Variants in LRTM1 observed in about 807,000 individuals in gnomAD.
LRTM1 encodes the protein leucine-rich repeat and transmembrane domain-containing protein 1.
Under a neutral mutation model 32.4 loss-of-function variants are expected in LRTM1, and 38 were observed. That is an observed-to-expected ratio of 1.17 (90% CI 0.91 to 1.54). LRTM1 has a LOEUF of 1.54. LRTM1 is among the 40% of genes most tolerant of loss of function. The pLI is 0.00. For missense variants in LRTM1, 466 were observed against 415.4 expected, an observed-to-expected ratio of 1.12 and a Z score of -1.06; for synonymous variants, 186 against 169.9, an observed-to-expected ratio of 1.09 and a Z score of -0.74.
At chr3:54,958,728 T>C (rs113711697) in intron 1 of LRTM1, among the ~76,000 whole-genome samples, 5 of 152,334 alleles carry the variant, frequency 3.3e-5, no homozygotes, top group African/African-American at 1.2e-4. Flanking sequence ...GGGCTAAGTA[T>C]GCAACAGAGA....
chr3:54,961,813 T>C lies in LRTM1; in HGVS notation c.-222+5115A>G, dbSNP rs182567255. On this transcript the variant is annotated intron_variant, in intron 1 of 2. Coordinates refer to the LRTM1 transcript ENST00000493075. Reference sequence around the variant, plus strand: ...CAGGACATCTTCTGTTTTCTTTTGCTTTTAACAGAGTGGTAGAAGCCGGGT... The same window carrying C: ...CAGGACATCTTCTGTTTTCTTTTGCCTTTAACAGAGTGGTAGAAGCCGGGT... 2.2e-3 allele frequency among the ~76,000 whole-genome samples: 341 copies of C among 152,292 alleles called. 1 individual carries two copies. The highest frequency in any genetic ancestry group is 4.2e-3 in the Non-Finnish European group (283 of 68,018).
At chr3:54,947,084 A>G (rs190187639) in intron 1 of LRTM1, among the ~76,000 whole-genome samples, 195 of 152,316 alleles carry the variant, frequency 1.3e-3, no homozygotes, top group Admixed American at 2.2e-3. Flanking sequence ...GGAAAATACT[A>G]TAATACCAAA....
In LRTM1 at chr3:54,933,174, A is replaced by G. The variant is rs1243267638; in HGVS notation, c.-221-7959T>C. ...TATAAGAGATAGAAAAATAAGAAAC[A>G]TAGAAAACTAGGAATATATTTTAAA... On this transcript the variant is annotated intron_variant, in intron 1 of 2. Transcript: ENST00000493075. Among the ~76,000 whole-genome samples, 4 of 152,082 alleles carry G rather than the reference A, an allele frequency of 2.6e-5. No homozygotes were observed. In the East Asian group the frequency reaches 5.8e-4, roughly 22 times the overall value.
At chr3:54,945,989 C>T (rs1243719980) in intron 1 of LRTM1, among the ~76,000 whole-genome samples, 2 of 152,202 alleles carry the variant, frequency 1.3e-5, no homozygotes, top group African/African-American at 2.4e-5. Flanking sequence ...CACGCTTATT[C>T]GCCTAGCTCT....
chr3:54,923,659 A>G (rs1365877509), intron 2 of LRTM1, among the ~76,000 whole-genome samples: 1 of 152,194 alleles, frequency 6.6e-6, no homozygotes, highest in Non-Finnish European at 1.5e-5. Context: ...GCACTCAAAT[A>G]TAGAAATGAA....
At chr3:54,959,434 A>G (rs761961252) in intron 1 of LRTM1, among the ~76,000 whole-genome samples, 3 of 152,202 alleles carry the variant, frequency 2.0e-5, no homozygotes, top group Non-Finnish European at 4.4e-5. Context: ...TGGACTGCCC[A>G]CGTGGAGATT....
At chr3:54,928,724 C>T (rs942730664), upstream of LRTM1, among the ~76,000 whole-genome samples, 1 of 151,976 alleles carries the variant, frequency 6.6e-6, no homozygotes, top group African/African-American at 2.4e-5. Context: ...CCCCAGCCCC[C>T]GAGTTGAATT....
intron 2 of LRTM1, among the ~76,000 whole-genome samples, chr3:54,919,958 G>A (rs1012946368): frequency 6.6e-6 from 1 of 152,128 alleles, no homozygotes; most frequent in Non-Finnish European, 1.5e-5. Context: ...AGAGGAGTGG[G>A]CAGGATGGCC....
intron 1 of LRTM1, among the ~76,000 whole-genome samples, chr3:54,942,327 G>T (rs1701492076): frequency 6.6e-6 from 1 of 152,212 alleles, no homozygotes; most frequent in African/African-American, 2.4e-5. Flanking sequence ...AGAAGTAGGG[G>T]CTGACCTCTC....
rs1702038794 is a variant in LRTM1, at chr3:54,961,960, G to A, written c.-222+4968C>T. Among the ~76,000 whole-genome samples the A allele has an allele frequency of 2.6e-5, 4 of 152,084 alleles. No individual in the cohort carries two copies. In the South Asian group the frequency reaches 8.3e-4, roughly 32 times the overall value. ...GGGGGCTCTGCAGAGTCCCAGGGAG[G>A]CACAGGGCATGGCATCGTGAGGGGA... On this transcript the variant is annotated intron_variant, in intron 1 of 2. Transcript: ENST00000493075.
intron 1 of LRTM1, among the ~76,000 whole-genome samples, chr3:54,926,136 A>G (rs1378981117): frequency 2.0e-5 from 3 of 152,110 alleles, no homozygotes; most frequent in Non-Finnish European, 4.4e-5. Flanking sequence ...TCACACCATT[A>G]CTGATGTATC....
upstream of LRTM1, among the ~76,000 whole-genome samples, chr3:54,930,396 C>G (rs755079545): frequency 1.2e-4 from 18 of 152,178 alleles, no homozygotes; most frequent in Non-Finnish European, 2.2e-4. Flanking sequence ...GAAAGGCACT[C>G]TACTTACCAG....
Position 54,918,889 on chromosome 3 carries a change from C to T in LRTM1, c.608G>A (p.Gly203Glu), listed in dbSNP as rs1450551797. The T allele has an allele frequency of 3.3e-6, 5 of 1,524,116 alleles. No individual in the cohort carries two copies. Among genetic ancestry groups the T allele is most frequent in the Non-Finnish European group, 4.4e-6 (5 of 1,136,072 alleles). 94.4% of individuals were successfully genotyped at this position (1,524,116 alleles called of 1,614,324 possible). A position where few individuals can be genotyped will look rare whatever the true frequency, so the allele number is the denominator to read the frequency against. Residue 203 changes from glycine to glutamate, a missense_variant, in exon 3 of 3, where the codon GGA (glycine) becomes GAA (glutamate). Transcript: ENST00000273286. ...LWLEKFVYKG[G>E]LTDGIICESP... ...TTCACAGATGATGCCGTCTGTTAGTCCCCCTTTAAAAAACAAAAGCAAAGA... is the reference window on the plus strand; with the variant it reads ...TTCACAGATGATGCCGTCTGTTAGTTCCCCTTTAAAAAACAAAAGCAAAGA...
At chr3:54,966,157 A>G (rs1702144703) in intron 1 of LRTM1, among the ~76,000 whole-genome samples, 1 of 152,090 alleles carries the variant, frequency 6.6e-6, no homozygotes, top group African/African-American at 2.4e-5. Context: ...AAAGGGCATC[A>G]GGAGACTCAT....
rs974378835 is a variant in LRTM1 at position 54,944,810 on chromosome 3, TGG to T, written c.-221-19597_-221-19596del. ...TGAATATATTGACTGTAGTTAGAGC[TGG>T]GGGTGTGTGTGTGTGTGTGTGTGTG... On this transcript the variant is annotated intron_variant, in intron 1 of 2. Coordinates refer to the LRTM1 transcript ENST00000493075. Among the ~76,000 whole-genome samples the T allele has an allele frequency of 6.1e-4, 82 of 135,260 alleles. 1 individual carries two copies. The highest frequency in any genetic ancestry group is 2.7e-3 in the African/African-American group (81 of 30,442). 88.7% of individuals were successfully genotyped at this position (135,260 alleles called of 152,430 possible). A position where few individuals can be genotyped will look rare whatever the true frequency, so the allele number is the denominator to read the frequency against.
upstream of LRTM1, among the ~76,000 whole-genome samples, chr3:54,930,153 A>G (rs920943788): frequency 6.6e-6 from 1 of 152,224 alleles, no homozygotes; most frequent in Non-Finnish European, 1.5e-5. Context: ...AGGTAGAGGC[A>G]TAGATCGGCC....
intron 1 of LRTM1, among the ~76,000 whole-genome samples, chr3:54,933,275 C>T (rs575204542): frequency 9.9e-4 from 150 of 152,220 alleles, no homozygotes; most frequent in Admixed American, 6.6e-3. Flanking sequence ...TAAAATTATG[C>T]TATTTTAACA....
intron 1 of LRTM1, among the ~76,000 whole-genome samples, chr3:54,937,559 G>C (rs777585924): frequency 6.6e-6 from 1 of 152,186 alleles, no homozygotes; most frequent in Non-Finnish European, 1.5e-5. Flanking sequence ...AGGGTCAACT[G>C]TATATGAAAA....
intron 2 of LRTM1, 59 bp downstream of exon 2, chr3:54,924,560 T>C: frequency 7.5e-7 from 1 of 1,338,280 alleles, no homozygotes; most frequent in South Asian, 1.3e-5. Context: ...AGAGAACAGA[T>C]GAGATTCATC....
Sources: allele counts gnomAD v4.1 joint callset (sites outside exome capture counted in the v4.1 genomes callset), GRCh38; gene constraint gnomAD v4.1.1; transcripts MANE v1.5; gene names NCBI Gene and HGNC (gene_info 2026-07-23, HGNC 2026-07-21).